Variants in TENM2 observed in about 807,000 individuals in gnomAD.
TENM2 encodes teneurin-2.
Under a neutral mutation model 245.2 loss-of-function variants are expected in TENM2, and 52 were observed. That is an observed-to-expected ratio of 0.21 (90% CI 0.17 to 0.27). TENM2 has a LOEUF of 0.27. TENM2 is among the 10% of genes least tolerant of loss of function. TENM2 has a pLI of 1.00. For synonymous variants in TENM2, 1,363 were observed against 1,438.9 expected (o/e 0.95, Z 1.19); for missense variants, 3,046 against 3,666.8 (o/e 0.83, Z 4.37).
At chr5:167,734,162 G>A (rs556311026) in intron 2 of TENM2, among the ~76,000 whole-genome samples, 1 of 152,290 alleles carries the variant, frequency 6.6e-6, no homozygotes, top group Non-Finnish European at 1.5e-5. Flanking sequence ...TGCAGATGGA[G>A]CAAGGGTTTG....
chr5:167,699,639 C>T (rs1758011995), intron 2 of TENM2, among the ~76,000 whole-genome samples: 1 of 152,206 alleles, frequency 6.6e-6, no homozygotes, highest in African/African-American at 2.4e-5. Context: ...ATTCTGAACC[C>T]TGCTGAGTTT....
chr5:167,361,137 A>G (rs2127265681), intron 1 of TENM2, among the ~76,000 whole-genome samples: 1 of 152,320 alleles, frequency 6.6e-6, no homozygotes, highest in African/African-American at 2.4e-5. Flanking sequence ...TGATATCACA[A>G]ATAATTTAAA....
the TENM2 span, among the ~76,000 whole-genome samples, chr5:167,169,691 G>C: frequency 1.3e-5 from 2 of 152,178 alleles, no homozygotes; most frequent in Non-Finnish European, 2.9e-5. Flanking sequence ...CATGAAGAAA[G>C]TGTTACCCTT....
chr5:168,071,656 A>G (rs1056073990), intron 7 of TENM2, among the ~76,000 whole-genome samples: 1 of 152,138 alleles, frequency 6.6e-6, no homozygotes, highest in Non-Finnish European at 1.5e-5. Flanking sequence ...TTTCAATATG[A>G]TAAATCATTC....
chr5:167,976,571 C>T (rs1486592750), intron 4 of TENM2, among the ~76,000 whole-genome samples: 1 of 152,136 alleles, frequency 6.6e-6, no homozygotes, highest in Admixed American at 6.5e-5. Context: ...CCTCTCTGAT[C>T]TTATGACAGA....
intron 23 of TENM2, among the ~76,000 whole-genome samples, chr5:168,225,053 C>A (rs1366183302): frequency 6.6e-6 from 1 of 152,222 alleles, no homozygotes; most frequent in South Asian, 2.1e-4. Flanking sequence ...AGGCCATTTG[C>A]AGGCAGTAGG....
intron 3 of TENM2, among the ~76,000 whole-genome samples, chr5:167,943,153 G>A (rs1779323891): frequency 6.6e-6 from 1 of 152,112 alleles, no homozygotes; most frequent in Non-Finnish European, 1.5e-5. Context: ...AGAGATTTTG[G>A]GAAAAGTTCA....
chr5:167,724,946 T>C (rs975051277), intron 2 of TENM2, among the ~76,000 whole-genome samples: 3 of 152,194 alleles, frequency 2.0e-5, no homozygotes, highest in African/African-American at 7.2e-5. Flanking sequence ...ATCTTACCAC[T>C]CTTCCTGGCA....
the TENM2 span, among the ~76,000 whole-genome samples, chr5:167,036,437 T>C: frequency 6.6e-6 from 1 of 152,252 alleles, no homozygotes; most frequent in African/African-American, 2.4e-5. Context: ...AGCTTACTTA[T>C]AAATTATCCT....
intron 2 of TENM2, among the ~76,000 whole-genome samples, chr5:167,765,866 C>T (rs1483383959): frequency 6.6e-6 from 1 of 152,136 alleles, no homozygotes; most frequent in Non-Finnish European, 1.5e-5. Flanking sequence ...ATACTCTTCA[C>T]AGGTCTACAT....
intron 4 of TENM2, among the ~76,000 whole-genome samples, chr5:167,989,818 T>G (rs938676753): frequency 1.3e-5 from 2 of 151,730 alleles, no homozygotes; most frequent in African/African-American, 4.8e-5. Context: ...AGGGGTGGAG[T>G]TGGGCATGTA....
chr5:167,568,572 A>C (rs989883226), intron 2 of TENM2, among the ~76,000 whole-genome samples: 5 of 151,762 alleles, frequency 3.3e-5, no homozygotes, highest in African/African-American at 1.2e-4. Context: ...TGATTATCCT[A>C]ATATGGGGAG....
At chr5:168,103,867 G>C (rs1794022422) in intron 9 of TENM2, among the ~76,000 whole-genome samples, 1 of 152,150 alleles carries the variant, frequency 6.6e-6, no homozygotes, top group Non-Finnish European at 1.5e-5. Context: ...TGTTGGCAGG[G>C]AGTAACCCTG....
chr5:167,366,173 T>C (rs1192013004), intron 1 of TENM2, among the ~76,000 whole-genome samples: 1 of 151,876 alleles, frequency 6.6e-6, no homozygotes, highest in East Asian at 1.9e-4. Flanking sequence ...TTATGAGGAA[T>C]GAAAATAAAG....
At chr5:167,866,497 CAA>C (rs57131518) in intron 2 of TENM2, among the ~76,000 whole-genome samples, 9,474 of 79,942 alleles carry the variant, frequency 0.12, 982 homozygotes, top group African/African-American at 0.33. Context: ...GACTCCATCT[CAA>C]AAAAAAAAAA....
At chr5:167,890,629 G>C (rs1476295625) in intron 3 of TENM2, among the ~76,000 whole-genome samples, 1 of 152,102 alleles carries the variant, frequency 6.6e-6, no homozygotes, top group Non-Finnish European at 1.5e-5. Flanking sequence ...ATACCTACCT[G>C]CATTATGTCA....
the TENM2 span, among the ~76,000 whole-genome samples, chr5:167,061,278 A>G: frequency 3.3e-5 from 5 of 152,156 alleles, no homozygotes; most frequent in Non-Finnish European, 7.3e-5. Flanking sequence ...TTGTTGGTGG[A>G]AAGAATTCAG....
intron 23 of TENM2, among the ~76,000 whole-genome samples, chr5:168,219,512 C>T (rs2152565988): frequency 6.6e-6 from 1 of 152,262 alleles, no homozygotes; most frequent in African/African-American, 2.4e-5. Context: ...CATATTTCCC[C>T]TAACAATTAT....
At chr5:167,666,295 A>C (rs994445672) in intron 2 of TENM2, among the ~76,000 whole-genome samples, 1 of 152,190 alleles carries the variant, frequency 6.6e-6, no homozygotes, top group African/African-American at 2.4e-5. Context: ...AGGATGTTCT[A>C]ACTCAGTTCA....
Sources: allele counts gnomAD v4.1 joint callset (sites outside exome capture counted in the v4.1 genomes callset), GRCh38; gene constraint gnomAD v4.1.1; transcripts MANE v1.5; gene names NCBI Gene and HGNC (gene_info 2026-07-23, HGNC 2026-07-21).